The following NME7 variants were observed in gnomAD, a reference collection of about 807,000 sequenced individuals.
The protein encoded by NME7 is NME/NM23 family member 7.
NME7 carries 41 observed loss-of-function variants against 49.1 expected under a neutral mutation model. The observed-to-expected ratio is 0.83, with a 90% CI of 0.65 to 1.08. The LOEUF is 1.08. Among genes scored for constraint, NME7 ranks in the 50% least tolerant of loss-of-function variants. NME7 has a pLI of 0.00. For missense variants in NME7, 423 were observed against 463.4 expected (o/e 0.91, Z 0.80); for synonymous variants, 139 against 150.6 (o/e 0.92, Z 0.56).
chr1:169,169,201 GTC>G, intron 11 of NME7: 2 of 382,778 alleles, frequency 5.2e-6, no homozygotes, highest in Non-Finnish European at 9.8e-6. Flanking sequence ...ACCAGGACTT[GTC>G]AGGGGGTGGG....
intron 7 of NME7, among the ~76,000 whole-genome samples, chr1:169,282,247 A>G (rs1298026209): frequency 6.6e-6 from 1 of 151,978 alleles, no homozygotes; most frequent in African/African-American, 2.4e-5. Flanking sequence ...GAGGTGTTTA[A>G]AATATTCTCT....
intron 1 of NME7, among the ~76,000 whole-genome samples, chr1:169,342,580 ATATATATATACAAGTACATATATATAG>A (rs1557831224): frequency 0.038 from 4,025 of 106,444 alleles, 1,067 homozygotes; most frequent in Non-Finnish European, 0.058. Flanking sequence ...TATATAGTAT[ATATATATATACAAGTACATATATATAG>A]TATATATATA....
rs377689410 is a variant in NME7, at chr1:169,238,477, G to GCACACGCACA, written c.755-791_755-790insTGTGCGTGTG. 8.7e-3 allele frequency among the ~76,000 whole-genome samples: 1,076 copies of GCACACGCACA among 124,142 alleles called. 18 individuals are homozygous for GCACACGCACA. Among genetic ancestry groups the GCACACGCACA allele is most frequent in the African/African-American group, 0.029 (1,006 of 34,558 alleles). The allele number at this position is 124,142 out of a possible 152,430, so 81.4% of individuals were successfully genotyped here. The stretch of plus-strand genomic sequence containing the variant: ...GTCTCTTACACATACATGCACAAAG[G>GCACACGCACA]CACACACACACACACACACACACAC... On this transcript the variant is annotated intron_variant, in intron 7 of 11. Transcript: ENST00000367811.
intron 7 of NME7, among the ~76,000 whole-genome samples, chr1:169,249,292 G>C (rs1001940706): frequency 6.8e-4 from 103 of 152,196 alleles, no homozygotes; most frequent in Middle Eastern, 3.4e-3. Flanking sequence ...CATGGTCATT[G>C]TTGGTGTATA....
chr1:169,352,380 C>T (rs898223027), intron 1 of NME7, among the ~76,000 whole-genome samples: 1 of 152,000 alleles, frequency 6.6e-6, no homozygotes, highest in African/African-American at 2.4e-5. Context: ...ATTCAACATC[C>T]CTTCTTGTTA....
At chr1:169,294,810 T>C (rs1245428642) in intron 6 of NME7, among the ~76,000 whole-genome samples, 2 of 152,216 alleles carry the variant, frequency 1.3e-5, no homozygotes, top group Admixed American at 1.3e-4. Flanking sequence ...GACATTTCTT[T>C]AGGTGAAATG....
chr1:169,232,546 G>A (rs1358467571), intron 9 of NME7, among the ~76,000 whole-genome samples: 1 of 128,424 alleles, frequency 7.8e-6, no homozygotes, highest in African/African-American at 2.9e-5. Flanking sequence ...TTTATAAGCA[G>A]CCAGGGTGTT....
intron 7 of NME7, among the ~76,000 whole-genome samples, chr1:169,244,853 G>A (rs1648243015): frequency 6.6e-6 from 1 of 152,062 alleles, no homozygotes; most frequent in Admixed American, 6.6e-5. Context: ...TACCACCTGG[G>A]TGCGGTGGCT....
At chr1:169,245,878 AAC>A in intron 7 of NME7, among the ~76,000 whole-genome samples, 1 of 152,208 alleles carries the variant, frequency 6.6e-6, no homozygotes. Context: ...AAACATGCAT[AAC>A]AAATAACCTT....
intron 10 of NME7, among the ~76,000 whole-genome samples, chr1:169,227,249 G>A (rs1256094014): frequency 6.6e-6 from 1 of 152,114 alleles, no homozygotes; most frequent in Non-Finnish European, 1.5e-5. Context: ...ATTAGTTCCA[G>A]CAGTAATAAA....
chr1:169,174,176 T>A (rs764463424), intron 10 of NME7, among the ~76,000 whole-genome samples: 1 of 152,140 alleles, frequency 6.6e-6, no homozygotes, highest in Non-Finnish European at 1.5e-5. Context: ...ATCAAAAAAA[T>A]GCACCAAATA....
intron 1 of NME7, among the ~76,000 whole-genome samples, chr1:169,363,351 A>G (rs966102584): frequency 1.3e-5 from 2 of 152,202 alleles, no homozygotes; most frequent in African/African-American, 4.8e-5. Flanking sequence ...TAAGAAATAT[A>G]TTTTACATCA....
chr1:169,296,402 A>G (rs1255374443), intron 6 of NME7, among the ~76,000 whole-genome samples: 3 of 152,062 alleles, frequency 2.0e-5, no homozygotes, highest in Admixed American at 2.0e-4. Context: ...GGACATAATT[A>G]TCTCTCAGTT....
rs780483253 is a variant in NME7 at position 169,287,342 on chromosome 1, A to C, written c.715T>G (p.Cys239Gly). 2 of 1,611,850 alleles carry C rather than the reference A, an allele frequency of 1.2e-6. No individual in the cohort carries two copies. The highest frequency in any genetic ancestry group is 1.7e-6 in the Non-Finnish European group (2 of 1,178,990). ...TGGGGTTTAACAATGCAACAGGTAC[A>C]ATTAGTAAATTTAGCAGTGTTTGCC... ...GPANTAKFTN[C>G]TCCIVKPHAV... Residue 239 changes from cysteine (C) to glycine (G), a missense_variant, in exon 7 of 12, where the codon TGT (cysteine) becomes GGT (glycine). Coordinates refer to ENST00000367811, the MANE Select transcript of NME7 (RefSeq NM_013330.5).
chr1:169,253,471 A>G (rs574917901), intron 7 of NME7, among the ~76,000 whole-genome samples: 3 of 151,996 alleles, frequency 2.0e-5, no homozygotes, highest in East Asian at 3.9e-4. Context: ...GGCTGAGACA[A>G]TGGGGTTTTC....
chr1:169,205,894 C>T (rs893226241), intron 10 of NME7, among the ~76,000 whole-genome samples: 1 of 152,152 alleles, frequency 6.6e-6, no homozygotes, highest in Non-Finnish European at 1.5e-5. Flanking sequence ...ATTCACTCCA[C>T]TCTGGCCACA....
At chr1:169,135,706 G>A (rs1029707459) in intron 11 of NME7, among the ~76,000 whole-genome samples, 1 of 152,094 alleles carries the variant, frequency 6.6e-6, no homozygotes, top group African/African-American at 2.4e-5. Flanking sequence ...TGGTTCCAAT[G>A]AGCACCCATA....
chr1:169,150,507 A>C (rs1323848720), intron 11 of NME7, among the ~76,000 whole-genome samples: 2 of 152,202 alleles, frequency 1.3e-5, no homozygotes, highest in Non-Finnish European at 2.9e-5. Context: ...TCATCATAGT[A>C]AAGGCCTACA....
At chr1:169,172,334 GTGTGTGTGTGTGTGTGTGTGTA>G (rs1452111293) in intron 10 of NME7, among the ~76,000 whole-genome samples, 4 of 119,048 alleles carry the variant, frequency 3.4e-5, no homozygotes, top group Non-Finnish European at 7.5e-5. Flanking sequence ...GTGTGTGTGT[GTGTGTGTGTGTGTGTGTGTGTA>G]TGTGTATGTG....
Sources: gnomAD v4.1 joint callset for allele counts (sites outside exome capture counted in the v4.1 genomes callset) on GRCh38, gnomAD v4.1.1 for gene constraint, MANE v1.5 for transcripts, NCBI Gene and HGNC (gene_info 2026-07-23, HGNC 2026-07-21) for gene names.